Variants in RBFOX1 observed in about 807,000 individuals in gnomAD.
RBFOX1 encodes RNA binding protein fox-1 homolog 1.
RBFOX1 carries 8 observed loss-of-function variants against 57.7 expected under a neutral mutation model. The ratio of observed to expected loss-of-function variants is 0.14; its 90% CI spans 0.08 to 0.25. RBFOX1 has a LOEUF of 0.25. Among genes scored for constraint, RBFOX1 ranks in the 10% least tolerant of loss-of-function variants. The pLI is 1.00. For synonymous variants in RBFOX1, 326 were observed against 222.4 expected, an observed-to-expected ratio of 1.47 and a Z score of -4.15; for missense variants, 611 against 548.5, an observed-to-expected ratio of 1.11 and a Z score of -1.14.
At chr16:7,063,154 A>C (rs537811314) in intron 4 of RBFOX1, among the ~76,000 whole-genome samples, 1 of 152,090 alleles carries the variant, frequency 6.6e-6, no homozygotes, top group South Asian at 2.1e-4. Flanking sequence ...GGTTTAGGGC[A>C]CACGCAGGGC....
intron 1 of RBFOX1, among the ~76,000 whole-genome samples, chr16:6,100,145 T>C (rs1243940177): frequency 6.6e-6 from 1 of 151,726 alleles, no homozygotes; most frequent in East Asian, 1.9e-4. Flanking sequence ...TTATTGTTTT[T>C]TTTGTTGTTG....
rs144459126 is a variant in RBFOX1, at chr16:6,890,612, G to A, written c.-15-161445G>A. Among the ~76,000 whole-genome samples, 17 of 152,270 alleles carry A rather than the reference G, an allele frequency of 1.1e-4. No homozygotes were observed. In the East Asian group the frequency reaches 1.4e-3, roughly 12 times the overall value. On this transcript the variant is annotated intron_variant, in intron 3 of 15. Transcript: ENST00000550418. ...TTAAGGAATCATTGCTTTGGTTATC[G>A]TTTATTGTGTTGGTGTTTGTAACAG... is the stretch of plus-strand genomic sequence containing the variant.
chr16:6,291,013 A>G (rs527480705), intron 1 of RBFOX1, among the ~76,000 whole-genome samples: 1 of 152,288 alleles, frequency 6.6e-6, no homozygotes, highest in East Asian at 1.9e-4. Flanking sequence ...CAAGGGGTGT[A>G]TTATTCAGGC....
Position 5,240,017 on chromosome 16 carries a change from C to T in RBFOX1, c.131C>T (p.Ala44Val), listed in dbSNP as rs1230006050. ...CGGCTGGGGCTGGAGGGGGGAAGCG[C>T]ACAGCCCGAGGACTGCGAGGACGGG... Residue 44 changes from alanine to valine, a missense_variant, in exon 1 of 3, where the codon GCA becomes GTA. Coordinates refer to the RBFOX1 transcript ENST00000585867. 4 of 1,531,420 alleles carry T rather than the reference C, an allele frequency of 2.6e-6. No individual in the cohort carries two copies. In the South Asian group the frequency reaches 3.6e-5, roughly 14 times the overall value. The allele number at this position is 1,531,420 out of a possible 1,614,324, so 94.9% of individuals were successfully genotyped here.
At chr16:5,347,668 C>A (rs574212171) in intron 1 of RBFOX1, among the ~76,000 whole-genome samples, 1 of 150,000 alleles carries the variant, frequency 6.7e-6, no homozygotes. Context: ...ATCCACCCAC[C>A]CTTTCACTCA....
intron 1 of RBFOX1, among the ~76,000 whole-genome samples, chr16:6,049,508 C>A (rs1490398995): frequency 1.3e-5 from 2 of 152,102 alleles, no homozygotes; most frequent in Admixed American, 1.3e-4. Context: ...TAAGCAAATA[C>A]CAGATATCAT....
chr16:6,343,289 C>T (rs977064373), intron 2 of RBFOX1, among the ~76,000 whole-genome samples: 1 of 152,150 alleles, frequency 6.6e-6, no homozygotes, highest in Non-Finnish European at 1.5e-5. Context: ...TGTGTCTTCC[C>T]CTACCCTGGT....
At chr16:5,360,898 G>A (rs183668334) in intron 1 of RBFOX1, among the ~76,000 whole-genome samples, 21 of 152,260 alleles carry the variant, frequency 1.4e-4, no homozygotes, top group African/African-American at 4.6e-4. Context: ...AGCAGCACAA[G>A]CACATCAAGA....
intron 10 of RBFOX1, among the ~76,000 whole-genome samples, chr16:7,626,519 T>C (rs1429467471): frequency 6.6e-6 from 1 of 152,178 alleles, no homozygotes; most frequent in Non-Finnish European, 1.5e-5. Flanking sequence ...CTCTGATTAT[T>C]CTGAGATTGA....
At chr16:6,155,109 T>C (rs1184203445) in intron 1 of RBFOX1, among the ~76,000 whole-genome samples, 1 of 152,236 alleles carries the variant, frequency 6.6e-6, no homozygotes, top group Non-Finnish European at 1.5e-5. Context: ...TTAGTGTTTC[T>C]ATATACATTT....
rs142593544 is a variant in RBFOX1 at position 6,140,761 on chromosome 16, A to C, written c.-127+120769A>C. On this transcript the variant is annotated intron_variant, in intron 1 of 15. Coordinates refer to ENST00000550418, the MANE Select transcript of RBFOX1 (RefSeq NM_018723.4). ...CTGGCCCAGGAGTACCTCATCCTAT[A>C]AGCAAAACATCTTTAGCATCTTTCA... is the stretch of plus-strand genomic sequence containing the variant. 6.6e-5 allele frequency among the ~76,000 whole-genome samples: 10 copies of C among 152,264 alleles called. No individual in the cohort carries two copies. In the East Asian group the frequency reaches 1.9e-3, roughly 29 times the overall value.
intron 1 of RBFOX1, among the ~76,000 whole-genome samples, chr16:5,250,752 C>T (rs2062430784): frequency 1.3e-5 from 2 of 152,210 alleles, no homozygotes; most frequent in Non-Finnish European, 1.5e-5. Context: ...GGATGCACCA[C>T]GCTTCGTTTA....
intron 4 of RBFOX1, among the ~76,000 whole-genome samples, chr16:5,920,001 C>T (rs994513104): frequency 1.2e-4 from 18 of 152,232 alleles, no homozygotes; most frequent in African/African-American, 3.4e-4. Context: ...TGCAGTGGCG[C>T]GATCTCACTG....
intron 4 of RBFOX1, 26 bp from the exon 5 acceptor site, chr16:7,518,121 C>G (rs759535928): frequency 1.9e-6 from 3 of 1,596,166 alleles, no homozygotes; most frequent in East Asian, 2.2e-5. Context: ...CGTTCTCTCC[C>G]TCTCTGCACC....
intron 4 of RBFOX1, among the ~76,000 whole-genome samples, chr16:7,217,166 A>G (rs1488198480): frequency 3.3e-5 from 5 of 150,218 alleles, no homozygotes; most frequent in East Asian, 3.9e-4. Context: ...GTGCAGTGGC[A>G]CAATCTCAGC....
In RBFOX1 at chr16:6,593,956, G is replaced by A. The variant is rs533879374; in HGVS notation, c.-63-60647G>A. The stretch of plus-strand genomic sequence containing the variant: ...CCCCAATGCTTTTGTTCAATTTGGC[G>A]TTTAGGATTAGTCATGCACGTGGAA... On this transcript the variant is annotated intron_variant, in intron 2 of 15. Coordinates refer to ENST00000550418, the MANE Select transcript of RBFOX1 (RefSeq NM_018723.4). 4.6e-5 allele frequency among the ~76,000 whole-genome samples: 7 copies of A among 152,266 alleles called. No homozygotes were observed. The East Asian group carries it at 7.7e-4, about 17-fold the overall frequency.
intron 4 of RBFOX1, among the ~76,000 whole-genome samples, chr16:7,311,478 CTTT>C (rs1190746565): frequency 8.2e-6 from 1 of 122,518 alleles, no homozygotes; most frequent in African/African-American, 3.1e-5. Context: ...TGAGCCTTTT[CTTT>C]TTTTTTTTTT....
chr16:5,957,362 G>A (rs7199143), intron 4 of RBFOX1, among the ~76,000 whole-genome samples: 42 of 152,192 alleles, frequency 2.8e-4, no homozygotes, highest in African/African-American at 9.6e-4. Flanking sequence ...TTATAGGCAT[G>A]TGCCACCATG....
intron 1 of RBFOX1, among the ~76,000 whole-genome samples, chr16:6,127,736 C>G (rs1347077982): frequency 1.3e-5 from 2 of 152,160 alleles, no homozygotes; most frequent in Non-Finnish European, 2.9e-5. Flanking sequence ...ATGTTCAACA[C>G]TCCGGGAAAA....
Sources: allele counts gnomAD v4.1 joint callset (sites outside exome capture counted in the v4.1 genomes callset), GRCh38; gene constraint gnomAD v4.1.1; transcripts MANE v1.5; gene names NCBI Gene and HGNC (gene_info 2026-07-23, HGNC 2026-07-21).